TBCK: variants seen among roughly 807,000 people sequenced by gnomAD.
The protein encoded by TBCK is TBC1 domain containing kinase.
In TBCK, 99 loss-of-function variants were observed where a neutral mutation model predicts 113.4. The observed-to-expected ratio is 0.87, with a 90% CI of 0.74 to 1.03. The LOEUF is 1.03. Among genes scored for constraint, TBCK ranks in the 50% least tolerant of loss-of-function variants. The pLI is 0.00. For missense variants in TBCK, 1,045 were observed against 1,061.3 expected, an observed-to-expected ratio of 0.98 and a Z score of 0.21; for synonymous variants, 369 against 370.8, an observed-to-expected ratio of 1.00 and a Z score of 0.05.
At chr4:106,215,650 C>T (rs1756796093) in intron 19 of TBCK, among the ~76,000 whole-genome samples, 1 of 152,134 alleles carries the variant, frequency 6.6e-6, no homozygotes, top group Admixed American at 6.5e-5. Context: ...GGGATCAATT[C>T]AACAAGAAGA....
chr4:106,064,756 A>G (rs372553097), intron 25 of TBCK, among the ~76,000 whole-genome samples: 1 of 152,172 alleles, frequency 6.6e-6, no homozygotes, highest in East Asian at 1.9e-4. Flanking sequence ...TCTTAAAACT[A>G]AAGTTATAAA....
chr4:106,076,929 C>A (rs1738261019), intron 25 of TBCK, among the ~76,000 whole-genome samples: 1 of 151,920 alleles, frequency 6.6e-6, no homozygotes. Context: ...CAAAGAGAGA[C>A]CCTATCCCTA....
intron 25 of TBCK, among the ~76,000 whole-genome samples, chr4:106,056,669 C>T (rs1420390702): frequency 6.6e-6 from 1 of 151,088 alleles, no homozygotes; most frequent in Admixed American, 6.6e-5. Flanking sequence ...ATCCAGTTCT[C>T]TGCTGACTGG....
At chr4:106,149,396 T>C (rs34305991) in intron 23 of TBCK, among the ~76,000 whole-genome samples, 8,165 of 152,262 alleles carry the variant, frequency 0.054, 491 homozygotes, top group East Asian at 0.28. Context: ...ATTTCTAGCT[T>C]TTGATTTAAA....
chr4:106,081,062 T>C (rs933312081), intron 25 of TBCK, among the ~76,000 whole-genome samples: 7 of 152,136 alleles, frequency 4.6e-5, no homozygotes, highest in South Asian at 4.1e-4. Context: ...CTTTTACACA[T>C]TGGTGTTAGT....
chr4:106,041,799 T>G lies in TBCK; in HGVS notation c.*4771A>C, dbSNP rs1204530641. ...AGATCACAATCTATCTATAGAACAC[T>G]GAATATGCCAAGATCCAAGTTTAGT... On this transcript the variant is annotated 3_prime_UTR_variant, in exon 26 of 26. Coordinates refer to ENST00000394708, the MANE Select transcript of TBCK (RefSeq NM_001163435.3). 6.6e-6 allele frequency: 1 copy of G among 152,202 alleles called. No individual in the cohort carries two copies. Among genetic ancestry groups the G allele is most frequent in the Non-Finnish European group, 1.5e-5 (1 of 68,034 alleles). The allele number at this position is 152,202 out of a possible 1,614,324, so 9.4% of individuals were successfully genotyped here.
At chr4:106,075,107 C>T (rs1045025582) in intron 25 of TBCK, among the ~76,000 whole-genome samples, 6 of 152,062 alleles carry the variant, frequency 3.9e-5, no homozygotes, top group African/African-American at 1.5e-4. Context: ...ATAATTCCAA[C>T]AAATATGCTT....
At chr4:106,224,855 A>G (rs950096565) in intron 19 of TBCK, among the ~76,000 whole-genome samples, 3 of 152,138 alleles carry the variant, frequency 2.0e-5, no homozygotes, top group Non-Finnish European at 2.9e-5. Flanking sequence ...TCAAACTTCA[A>G]ATTCATCAAG....
rs1758127994 is a variant in TBCK, at chr4:106,225,424, T to A, written c.1774+4939A>T. Among the ~76,000 whole-genome samples the A allele has an allele frequency of 4.6e-5, 7 of 152,186 alleles. No individual in the cohort carries two copies. The South Asian group carries it at 1.4e-3, about 31-fold the overall frequency. On this transcript the variant is annotated intron_variant, in intron 19 of 25. Transcript: ENST00000394708. ...ATTGGATGTTAAAATGTATTACTGA[T>A]AAAATTGATCAAACTAAAGAACAGT...
At chr4:106,249,047 T>G in intron 7 of TBCK, 65 bp from the exon 8 acceptor site, 1 of 1,186,086 alleles carries the variant, frequency 8.4e-7, no homozygotes. Flanking sequence ...AACCAGAAAA[T>G]AAACTGATCA....
intron 19 of TBCK, among the ~76,000 whole-genome samples, chr4:106,217,808 G>T (rs189345952): frequency 6.7e-6 from 1 of 150,098 alleles, no homozygotes; most frequent in African/African-American, 2.4e-5. Context: ...GTAATTTATA[G>T]ATTCAATGCT....
At chr4:106,098,607 T>C (rs1741201589) in intron 24 of TBCK, among the ~76,000 whole-genome samples, 1 of 151,732 alleles carries the variant, frequency 6.6e-6, no homozygotes, top group Admixed American at 6.6e-5. Flanking sequence ...TCAGCAGTAA[T>C]TACAATGAAA....
intron 20 of TBCK, among the ~76,000 whole-genome samples, chr4:106,205,282 C>T (rs1052208246): frequency 6.6e-6 from 1 of 152,048 alleles, no homozygotes; most frequent in Middle Eastern, 3.2e-3. Flanking sequence ...GTTGGAAGAT[C>T]TGTGTAACTC....
chr4:106,116,455 T>G, intron 23 of TBCK, 77 bp from the exon 24 acceptor site: 2 of 1,190,724 alleles, frequency 1.7e-6, no homozygotes, highest in Non-Finnish European at 2.4e-6. Context: ...TAGAATATCT[T>G]GATACCAAAC....
At chr4:106,224,335 A>G (rs1237785161) in intron 19 of TBCK, among the ~76,000 whole-genome samples, 1 of 151,996 alleles carries the variant, frequency 6.6e-6, no homozygotes, top group Admixed American at 6.6e-5. Flanking sequence ...TCAAAGAACA[A>G]TTCAAGTTGC....
At chr4:106,122,657 C>T (rs1306258222) in intron 23 of TBCK, among the ~76,000 whole-genome samples, 2 of 152,170 alleles carry the variant, frequency 1.3e-5, no homozygotes, top group African/African-American at 4.8e-5. Context: ...TCCAGCAGCA[C>T]ATCAAAAAGC....
chr4:106,184,424 T>A (rs1752772538), intron 22 of TBCK, among the ~76,000 whole-genome samples: 1 of 151,808 alleles, frequency 6.6e-6, no homozygotes, highest in Admixed American at 6.6e-5. Context: ...GACAAGGGAG[T>A]AATACCCTAT....
intron 25 of TBCK, among the ~76,000 whole-genome samples, chr4:106,051,924 G>C (rs1004957568): frequency 6.6e-6 from 1 of 151,782 alleles, no homozygotes; most frequent in Admixed American, 6.6e-5. Context: ...GGATTAGTAG[G>C]AAAGAGGTGG....
chr4:106,069,297 C>A (rs888729486), intron 25 of TBCK, among the ~76,000 whole-genome samples: 6 of 152,128 alleles, frequency 3.9e-5, no homozygotes, highest in Non-Finnish European at 7.4e-5. Flanking sequence ...TTAAGTCTTT[C>A]ATCCATCTGG....
Sources: gnomAD v4.1 joint callset for allele counts (sites outside exome capture counted in the v4.1 genomes callset) on GRCh38, gnomAD v4.1.1 for gene constraint, MANE v1.5 for transcripts, NCBI Gene and HGNC (gene_info 2026-07-23, HGNC 2026-07-21) for gene names.